CREBL2: variants seen among roughly 807,000 people sequenced by gnomAD.
CREBL2 encodes cAMP responsive element binding protein like 2, also known as cAMP-responsive element-binding protein-like 2.
Under a neutral mutation model 19.5 loss-of-function variants are expected in CREBL2, and 4 were observed. That is an observed-to-expected ratio of 0.20 (90% CI 0.10 to 0.47). The LOEUF is 0.47. Among genes scored for constraint, CREBL2 ranks in the 20% least tolerant of loss-of-function variants. The pLI is 0.98. For missense variants in CREBL2, 85 were observed against 145.1 expected (o/e 0.59, Z 2.13); for synonymous variants, 42 against 46.6 (o/e 0.90, Z 0.40).
At chr12:12,629,274 ATCT>A (rs1279442357) in intron 1 of CREBL2, among the ~76,000 whole-genome samples, 4 of 152,008 alleles carry the variant, frequency 2.6e-5, no homozygotes, top group African/African-American at 9.7e-5. Flanking sequence ...CATTTATCAG[ATCT>A]TCTTTAATTT....
At chr12:12,617,859 A>G (rs7968749) in intron 1 of CREBL2, among the ~76,000 whole-genome samples, 149,845 of 149,992 alleles carry the variant, frequency 1, 74,851 homozygotes, top group Middle Eastern at 1. Context: ...AGATTAGGGA[A>G]TGGTGATGAC....
intron 1 of CREBL2, among the ~76,000 whole-genome samples, chr12:12,627,345 TAAAGTC>T (rs999319819): frequency 3.9e-5 from 6 of 152,074 alleles, no homozygotes; most frequent in African/African-American, 9.7e-5. Context: ...TGTAAAAAAA[TAAAGTC>T]TATTGATTTA....
rs1248375488 is a variant in CREBL2 at position 12,641,250 on chromosome 12, A to ATTTTTTTTTTTTTTTT, written c.359-742_359-741insTTTTTTTTTTTTTTTT. ...CTTTATTATTATTATTATTATTATT[A>ATTTTTTTTTTTTTTTT]TTATTTTTTTTTATTTTTTTTTTTT... On this transcript the variant is annotated intron_variant, in intron 3 of 3. Coordinates refer to ENST00000228865, the MANE Select transcript of CREBL2 (RefSeq NM_001310.4). 4.8e-4 allele frequency among the ~76,000 whole-genome samples: 28 copies of ATTTTTTTTTTTTTTTT among 58,002 alleles called. 5 individuals are homozygous for ATTTTTTTTTTTTTTTT. Among genetic ancestry groups the ATTTTTTTTTTTTTTTT allele is most frequent in the Non-Finnish European group, 5.2e-4 (15 of 28,706 alleles). 38.1% of individuals were successfully genotyped at this position (58,002 alleles called of 152,430 possible). A position where few individuals can be genotyped will look rare whatever the true frequency, so the allele number is the denominator to read the frequency against.
rs869253910 is a variant in CREBL2 at position 12,632,068 on chromosome 12, C to CTTTT, written c.16-3685_16-3682dup. On this transcript the variant is annotated intron_variant, in intron 1 of 3. Coordinates refer to ENST00000228865, the MANE Select transcript of CREBL2 (RefSeq NM_001310.4). The stretch of plus-strand genomic sequence containing the variant: ...CCTTGGATTCATATACTATGCCTTT[C>CTTTT]TTTTTTTTTTTTTTTTTTTTTTTTT... Among the ~76,000 whole-genome samples the CTTTT allele has an allele frequency of 1.8e-3, 146 of 80,624 alleles. 19 individuals are homozygous for CTTTT. Among genetic ancestry groups the CTTTT allele is most frequent in the East Asian group, 2.6e-3 (6 of 2,282 alleles). 52.9% of individuals were successfully genotyped at this position (80,624 alleles called of 152,430 possible).
chr12:12,639,139 A>G (rs1364394398), intron 3 of CREBL2, among the ~76,000 whole-genome samples: 2 of 152,200 alleles, frequency 1.3e-5, no homozygotes, highest in Non-Finnish European at 2.9e-5. Flanking sequence ...ACATTGTAGC[A>G]TGTATCATCA....
intron 1 of CREBL2, among the ~76,000 whole-genome samples, chr12:12,634,634 C>G (rs1945461400): frequency 6.6e-6 from 1 of 152,204 alleles, no homozygotes; most frequent in Non-Finnish European, 1.5e-5. Context: ...GAAGTCTTCA[C>G]TGACCTTGTT....
chr12:12,635,645 T>C, intron 1 of CREBL2, 132 bp from the exon 2 acceptor site: 1 of 1,030,542 alleles, frequency 9.7e-7, no homozygotes, highest in Non-Finnish European at 1.4e-6. Flanking sequence ...TTGATGGGAT[T>C]ATGCTTTCTT....
At chr12:12,636,463 C>T (rs1321860825) in intron 2 of CREBL2, among the ~76,000 whole-genome samples, 1 of 151,956 alleles carries the variant, frequency 6.6e-6, no homozygotes, top group African/African-American at 2.4e-5. Context: ...CTCTGTCGCC[C>T]AGGCTGGAGT....
intron 3 of CREBL2, among the ~76,000 whole-genome samples, chr12:12,639,643 GT>G (rs149374535): frequency 0.053 from 8,011 of 152,188 alleles, 338 homozygotes; most frequent in Admixed American, 0.15. Context: ...GGTTGTTTTT[GT>G]TGTTGAGTGG....
At chr12:12,621,122 A>C (rs773750199) in intron 1 of CREBL2, among the ~76,000 whole-genome samples, 27 of 152,242 alleles carry the variant, frequency 1.8e-4, no homozygotes, top group African/African-American at 6.0e-4. Flanking sequence ...CATGCACACC[A>C]TATGGTCTCT....
intron 1 of CREBL2, among the ~76,000 whole-genome samples, chr12:12,622,446 A>G (rs1323431594): frequency 6.6e-6 from 1 of 152,212 alleles, no homozygotes; most frequent in African/African-American, 2.4e-5. Context: ...GAGGTCAGTG[A>G]CGTAAGAGAA....
At chr12:12,634,546 A>G (rs1167107741) in intron 1 of CREBL2, among the ~76,000 whole-genome samples, 1 of 152,190 alleles carries the variant, frequency 6.6e-6, no homozygotes, top group African/African-American at 2.4e-5. Flanking sequence ...TTATACACAT[A>G]TTTTATATTT....
intron 1 of CREBL2, chr12:12,615,475 A>G (rs61915599): frequency 0.37 from 55,215 of 150,714 alleles, 10,247 homozygotes; most frequent in South Asian, 0.46. Context: ...TCCCCATTCC[A>G]TTGATGTCTA....
chr12:12,624,650 C>T (rs73065423), intron 1 of CREBL2, among the ~76,000 whole-genome samples: 11,865 of 152,236 alleles, frequency 0.078, 650 homozygotes, highest in Non-Finnish European at 0.13. Flanking sequence ...CTGAGACTTC[C>T]GAAGCCCCAG....
At chr12:12,629,257 G>A (rs1035197327) in intron 1 of CREBL2, among the ~76,000 whole-genome samples, 5 of 152,150 alleles carry the variant, frequency 3.3e-5, no homozygotes, top group Admixed American at 3.3e-4. Context: ...AACATGGGCT[G>A]CCTTTCCATT....
chr12:12,625,738 C>T (rs991120270), intron 1 of CREBL2, among the ~76,000 whole-genome samples: 1 of 152,172 alleles, frequency 6.6e-6, no homozygotes, highest in Non-Finnish European at 1.5e-5. Flanking sequence ...TATACACATC[C>T]CTCCACCACC....
intron 1 of CREBL2, among the ~76,000 whole-genome samples, chr12:12,635,106 T>C (rs905882148): frequency 6.6e-6 from 1 of 151,992 alleles, no homozygotes; most frequent in Non-Finnish European, 1.5e-5. Flanking sequence ...CATGGCTTAC[T>C]CCTAGCACCT....
chr12:12,621,207 G>A (rs185682579), intron 1 of CREBL2, among the ~76,000 whole-genome samples: 4 of 152,204 alleles, frequency 2.6e-5, no homozygotes, highest in Non-Finnish European at 4.4e-5. Flanking sequence ...GCATGGCTGT[G>A]TTCCAGTAAA....
chr12:12,618,073 A>T (rs1050990603), intron 1 of CREBL2, among the ~76,000 whole-genome samples: 1 of 152,248 alleles, frequency 6.6e-6, no homozygotes, highest in African/African-American at 2.4e-5. Context: ...ACTTCGTTCT[A>T]CACAGACACA....
Sources: allele counts gnomAD v4.1 joint callset (sites outside exome capture counted in the v4.1 genomes callset), GRCh38; gene constraint gnomAD v4.1.1; transcripts MANE v1.5; gene names NCBI Gene and HGNC (gene_info 2026-07-23, HGNC 2026-07-21).